The following MED13 variants were observed in gnomAD, a reference collection of about 807,000 sequenced individuals.
MED13 encodes mediator complex subunit 13.
MED13 carries 23 observed loss-of-function variants against 225.2 expected under a neutral mutation model. That is an observed-to-expected ratio of 0.10 (90% CI 0.07 to 0.14). The LOEUF (loss-of-function observed/expected upper bound fraction) is 0.14, where lower values mean the gene tolerates loss of function less well. Among genes scored for constraint, MED13 ranks in the 10% least tolerant of loss-of-function variants. The probability of loss-of-function intolerance (pLI) is 1.00; values close to 1 mark genes in which losing one functional copy is unlikely to be tolerated. For missense variants in MED13, 2,197 were observed against 2,594.5 expected, an observed-to-expected ratio of 0.85 and a Z score of 3.33; for synonymous variants, 942 against 889.2, an observed-to-expected ratio of 1.06 and a Z score of -1.06.
intron 8 of MED13, among the ~76,000 whole-genome samples, chr17:62,026,729 T>C (rs1014015318): frequency 1.3e-5 from 2 of 152,140 alleles, no homozygotes; most frequent in East Asian, 3.8e-4. Context: ...GATAAACAAC[T>C]TCAGTAAAAT....
chr17:61,980,219 T>C (rs1210212310), intron 16 of MED13, among the ~76,000 whole-genome samples: 2 of 151,894 alleles, frequency 1.3e-5, no homozygotes, highest in African/African-American at 2.4e-5. Context: ...AAATTCCCTA[T>C]ACCTGATTTC....
intron 4 of MED13, 84 bp from the exon 5 acceptor site, chr17:62,034,068 C>T (rs1427400997): frequency 1.0e-5 from 12 of 1,189,626 alleles, no homozygotes; most frequent in Middle Eastern, 2.1e-4. Flanking sequence ...GGCAAATAAT[C>T]GTGCAATTAT....
Position 62,065,133 on chromosome 17 carries a change from C to A in MED13, c.66+7G>T, listed in dbSNP as rs2081071430. ...CTCCCTCGGCGCCCGCCGGCCCCGGCACTCACCAGGCAGAAGAGGTTACAG... is the reference window on the plus strand; with the variant it reads ...CTCCCTCGGCGCCCGCCGGCCCCGGAACTCACCAGGCAGAAGAGGTTACAG... On this transcript the variant is annotated splice_region_variant and intron_variant, in intron 1 of 29. Transcript: ENST00000397786. 1.3e-6 allele frequency: 2 copies of A among 1,558,676 alleles called. No individual in the cohort carries two copies. Among genetic ancestry groups the A allele is most frequent in the Non-Finnish European group, 8.7e-7 (1 of 1,154,590 alleles).
intron 16 of MED13, among the ~76,000 whole-genome samples, chr17:61,981,226 T>C (rs2080201870): frequency 6.6e-6 from 1 of 151,956 alleles, no homozygotes; most frequent in African/African-American, 2.4e-5. Context: ...TTCACTATGT[T>C]GGTCAGGCAG....
At chr17:61,946,846 A>G in intron 29 of MED13, 71 bp downstream of exon 29, 1 of 1,415,162 alleles carries the variant, frequency 7.1e-7, no homozygotes, top group South Asian at 1.2e-5. Flanking sequence ...AAATGAGAAA[A>G]ATATATAAGA....
At chr17:61,947,810 CA>C (rs897694103) in intron 28 of MED13, among the ~76,000 whole-genome samples, 10 of 152,224 alleles carry the variant, frequency 6.6e-5, no homozygotes, top group Admixed American at 1.3e-4. Context: ...TTAAATGAGT[CA>C]TTTTTTTTAT....
At chr17:61,974,327 C>A (rs1231595895) in intron 16 of MED13, among the ~76,000 whole-genome samples, 3 of 152,206 alleles carry the variant, frequency 2.0e-5, no homozygotes, top group Middle Eastern at 3.4e-3. Context: ...TCACTTGAAC[C>A]CATGAGGTCA....
At chr17:62,052,899 T>C (rs1431554254) in intron 2 of MED13, among the ~76,000 whole-genome samples, 194 bp from the exon 3 acceptor site, 3 of 152,230 alleles carry the variant, frequency 2.0e-5, no homozygotes, top group Admixed American at 2.0e-4. Context: ...AAGGTCTAAG[T>C]GCCACATATT....
chr17:61,955,732 G>A lies in MED13; in HGVS notation c.5730C>T (p.Leu1910=). The A allele has an allele frequency of 6.2e-7, 1 of 1,611,894 alleles. No homozygotes were observed. ...GISAADSPSI[L]SACLVAMEPQ... is the part of the protein sequence containing the mutation. ...GCTCCATTGCCACCAAGCAAGCACTGAGAATGCTAGGGGAGTCTGCAGCAG... is the reference window on the plus strand; with the variant it reads ...GCTCCATTGCCACCAAGCAAGCACTAAGAATGCTAGGGGAGTCTGCAGCAG... The change falls in exon 25 of 30, where the codon CTC becomes CTT. Residue 1910 remains leucine, a synonymous_variant. Transcript: ENST00000397786.
At chr17:61,952,031 G>A (rs1183697898) in intron 27 of MED13, among the ~76,000 whole-genome samples, 2 of 152,016 alleles carry the variant, frequency 1.3e-5, no homozygotes, top group African/African-American at 2.4e-5. Flanking sequence ...CTGAGTAGCT[G>A]GGAGTACAGA....
chr17:62,063,052 G>T lies in MED13; in HGVS notation c.301+15C>A, dbSNP rs755946990. The T allele has an allele frequency of 6.3e-7, 1 of 1,583,700 alleles. No homozygotes were observed. Among genetic ancestry groups the T allele is most frequent in the Non-Finnish European group, 8.7e-7 (1 of 1,153,316 alleles). ...GTTGCTATATCATTAGTTAGAAATG[G>T]AAAGTTTCTTTCACCTGATAAGTCA... On this transcript the variant is annotated intron_variant, in intron 2 of 29. Coordinates refer to ENST00000397786, the MANE Select transcript of MED13 (RefSeq NM_005121.3).
intron 8 of MED13, among the ~76,000 whole-genome samples, chr17:62,013,009 T>C (rs1255021727): frequency 6.6e-6 from 1 of 151,620 alleles, no homozygotes; most frequent in African/African-American, 2.4e-5. Flanking sequence ...GCCAGGATAG[T>C]CTCGATCTCT....
intron 8 of MED13, among the ~76,000 whole-genome samples, chr17:62,024,860 T>C (rs1477124717): frequency 6.6e-6 from 1 of 152,202 alleles, no homozygotes; most frequent in African/African-American, 2.4e-5. Context: ...GCAGAAGACA[T>C]GATCTCATTT....
At chr17:62,038,710 C>T (rs971693727) in intron 3 of MED13, among the ~76,000 whole-genome samples, 1 of 152,176 alleles carries the variant, frequency 6.6e-6, no homozygotes, top group Non-Finnish European at 1.5e-5. Context: ...CAGGTTCTCA[C>T]TGGAGTGCAG....
chr17:62,052,042 G>C (rs1039928420), intron 3 of MED13, among the ~76,000 whole-genome samples: 3 of 152,092 alleles, frequency 2.0e-5, no homozygotes, highest in African/African-American at 7.2e-5. Flanking sequence ...AAAATTATAA[G>C]CTCTCAAAGA....
At position 62,057,822 on chromosome 17, in the gene MED13, G is replaced by A. The variant is rs116335880; in HGVS notation, c.302-5117C>T. 3.5e-3 allele frequency among the ~76,000 whole-genome samples: 527 copies of A among 152,232 alleles called. 2 individuals carry two copies. The highest frequency in any genetic ancestry group is 0.011 in the African/African-American group (475 of 41,540). On this transcript the variant is annotated intron_variant, in intron 2 of 29. Transcript: ENST00000397786. ...AAAAAGAACAAATATTTTTAGCCCT[G>A]AGTTTTTTTAGTTCACAAGGTATCA...
chr17:62,017,603 G>A (rs889862048), intron 8 of MED13, among the ~76,000 whole-genome samples: 1 of 152,072 alleles, frequency 6.6e-6, no homozygotes, highest in African/African-American at 2.4e-5. Flanking sequence ...CAAAGATGGT[G>A]CAAAAACAAT....
At chr17:62,038,445 TATTTTAAAAAC>T (rs890796694) in intron 3 of MED13, among the ~76,000 whole-genome samples, 17 of 152,098 alleles carry the variant, frequency 1.1e-4, no homozygotes, top group African/African-American at 4.1e-4. Context: ...TTTTAAAAAT[TATTTTAAAAAC>T]ATTTTAAAAG....
intron 11 of MED13, among the ~76,000 whole-genome samples, chr17:61,988,647 G>C (rs1265046913): frequency 1.3e-5 from 2 of 152,098 alleles, no homozygotes; most frequent in East Asian, 3.9e-4. Flanking sequence ...ACAGGCACAA[G>C]AAGGGGCTTA....
Sources: gnomAD v4.1 joint callset for allele counts (sites outside exome capture counted in the v4.1 genomes callset) on GRCh38, gnomAD v4.1.1 for gene constraint, MANE v1.5 for transcripts, NCBI Gene and HGNC (gene_info 2026-07-23, HGNC 2026-07-21) for gene names.